The following RSPH10B2 variants were observed in gnomAD, a reference collection of about 807,000 sequenced individuals.
RSPH10B2 encodes the protein radial spoke head 10 homolog B2.
Under a neutral mutation model 49.0 loss-of-function variants are expected in RSPH10B2, and 9 were observed. The ratio of observed to expected loss-of-function variants is 0.18; its 90% confidence interval spans 0.11 to 0.32. The LOEUF is 0.32. RSPH10B2 is among the 10% of genes least tolerant of loss of function. The pLI is 1.00. For synonymous variants in RSPH10B2, 35 were observed against 210.2 expected, an observed-to-expected ratio of 0.17 and a Z score of 7.21; for missense variants, 95 against 589.9, an observed-to-expected ratio of 0.16 and a Z score of 8.69.
chr7:6,781,868 A>AAATATATATATATATAAATATATATAT (rs1168678605), intron 13 of RSPH10B2, among the ~76,000 whole-genome samples: 7 of 108,530 alleles, frequency 6.4e-5, no homozygotes, highest in African/African-American at 2.5e-4. Context: ...TTGTCTTAAA[A>AAATATATATATATATAAATATATATAT]AATATATATA....
chr7:6,783,124 G>A (rs746950420), intron 13 of RSPH10B2, among the ~76,000 whole-genome samples: 7,853 of 74,478 alleles, frequency 0.11, 68 homozygotes, highest in Non-Finnish European at 0.12. Context: ...TCCGCCTCCC[G>A]GGTTCAAGCA....
intron 6 of RSPH10B2, 28 bp downstream of exon 8, chr7:6,766,905 A>T (rs749960027): frequency 3.9e-6 from 3 of 763,898 alleles, no homozygotes; most frequent in Admixed American, 5.1e-5. Context: ...AGCAGCTTAT[A>T]CCCAGAGGCG....
chr7:6,768,153 G>A (rs1167825572), intron 6 of RSPH10B2, among the ~76,000 whole-genome samples: 10 of 136,668 alleles, frequency 7.3e-5, no homozygotes, highest in African/African-American at 2.9e-4. Flanking sequence ...CCATACTCTA[G>A]CCTGGGTAAC....
intron 17 of RSPH10B2, among the ~76,000 whole-genome samples, chr7:6,793,887 C>T (rs1306758232): frequency 2.0e-5 from 3 of 151,852 alleles, no homozygotes; most frequent in African/African-American, 7.2e-5. Flanking sequence ...CCCACTTTCC[C>T]CTCTAGATCC....
intron 17 of RSPH10B2, chr7:6,794,263 C>G (rs567278396): frequency 2.9e-3 from 441 of 152,950 alleles, no homozygotes; most frequent in Non-Finnish European, 4.4e-3. Flanking sequence ...CTGTCCTCCC[C>G]AGGCCACTGA....
At position 6,797,864 on chromosome 7, in the gene RSPH10B2, A is replaced by T. The variant is rs4724844; in HGVS notation, c.2433-499A>T. Among the ~76,000 whole-genome samples the T allele has an allele frequency of 1.8e-4, 13 of 71,344 alleles. 1 individual carries two copies. Among genetic ancestry groups the T allele is most frequent in the East Asian group, 4.9e-4 (1 of 2,022 alleles). 46.8% of individuals were successfully genotyped at this position (71,344 alleles called of 152,430 possible). A position where few individuals can be genotyped will look rare whatever the true frequency, so the allele number is the denominator to read the frequency against. The stretch of plus-strand genomic sequence containing the variant: ...TAAGACCCTATCTCAAAAAAAAAAA[A>T]ATACACACACACACACACACACACG... On this transcript the variant is annotated intron_variant, in intron 18 of 18. Coordinates refer to ENST00000297186, the Ensembl canonical transcript of RSPH10B2.
At chr7:6,791,114 G>C (rs1782301299) in intron 16 of RSPH10B2, among the ~76,000 whole-genome samples, 1 of 137,130 alleles carries the variant, frequency 7.3e-6, no homozygotes, top group African/African-American at 2.8e-5. Flanking sequence ...CCATTCTCCT[G>C]CCTCAGCCTC....
At chr7:6,769,468 G>A (rs1439973553) in intron 7 of RSPH10B2, among the ~76,000 whole-genome samples, 5 of 54,384 alleles carry the variant, frequency 9.2e-5, no homozygotes, top group Non-Finnish European at 3.6e-5. Context: ...GCGCATTGTT[G>A]CGCAACCATC....
Position 6,766,854 on chromosome 7 carries a change from G to A in RSPH10B2, c.757G>A (p.Gly253Arg), listed in dbSNP as rs748009283. The change falls in exon 6 of 19, where the codon GGG becomes AGG. Residue 253 changes from glycine (G) to arginine (R), a missense_variant. Gly to Arg is a moderately radical substitution (Grantham distance 125). Transcript: ENST00000297186. ...GCTGACCACCAACGAAGAGTACACCGGGCGGTGGGAGAGGGGCATCCAGGT... is the reference window on the plus strand; with the variant it reads ...GCTGACCACCAACGAAGAGTACACCAGGCGGTGGGAGAGGGGCATCCAGGT... 9.6e-6 allele frequency: 7 copies of A among 726,532 alleles called. No homozygotes were observed. In the African/African-American group the frequency reaches 1.4e-4, roughly 15 times the overall value. 45.0% of individuals were successfully genotyped at this position (726,532 alleles called of 1,614,324 possible).
chr7:6,754,114 G>T (rs1780987198), upstream of RSPH10B2: 1 of 136,668 alleles, frequency 7.3e-6, no homozygotes, highest in South Asian at 2.4e-4. Context: ...GGTCTGGGAC[G>T]CCGAGAGCCC....
chr7:6,756,067 G>A (rs567101549), upstream of RSPH10B2, among the ~76,000 whole-genome samples: 2 of 150,648 alleles, frequency 1.3e-5, no homozygotes, highest in Non-Finnish European at 2.9e-5. Context: ...AGGAGATCGA[G>A]ACCATCCTGG....
chr7:6,764,572 G>T (rs1265337065), intron 4 of RSPH10B2, among the ~76,000 whole-genome samples: 6 of 149,024 alleles, frequency 4.0e-5, no homozygotes, highest in Admixed American at 1.3e-4. Flanking sequence ...TGTTGGCCAG[G>T]GTGGTCTTGA....
chr7:6,792,610 G>A (rs1033877495), intron 17 of RSPH10B2, among the ~76,000 whole-genome samples: 11 of 115,782 alleles, frequency 9.5e-5, no homozygotes, highest in South Asian at 5.5e-4. Context: ...TTCCTCAGCC[G>A]TGTCCGTGTG....
At chr7:6,797,361 T>A (rs1225299235) in intron 18 of RSPH10B2, among the ~76,000 whole-genome samples, 1 of 150,694 alleles carries the variant, frequency 6.6e-6, no homozygotes, top group Non-Finnish European at 1.5e-5. Flanking sequence ...TTTGGGGTAA[T>A]GACTATGTTG....
intron 17 of RSPH10B2, chr7:6,794,091 G>A (rs1333225456): frequency 8.8e-6 from 1 of 113,326 alleles, no homozygotes; most frequent in Non-Finnish European, 2.0e-5. Flanking sequence ...TTTGCTGCTA[G>A]GCATCTTGGG....
rs1197060518 is a variant in RSPH10B2 at position 6,780,436 on chromosome 7, T to C, written c.1530-373T>C. Among the ~76,000 whole-genome samples the C allele has an allele frequency of 1.7e-5, 2 of 116,756 alleles. 1 individual carries two copies. The highest frequency in any genetic ancestry group is 3.5e-5 in the Non-Finnish European group (2 of 56,340). The allele number at this position is 116,756 out of a possible 152,430, so 76.6% of individuals were successfully genotyped here. On this transcript the variant is annotated intron_variant, in intron 11 of 18. Coordinates refer to ENST00000297186, the Ensembl canonical transcript of RSPH10B2. ...TCTCGCTCTGTCACCCAGGCTGGAG[T>C]GCAGTGGCGCGATCTCGGCTCACTG...
chr7:6,768,397 A>G (rs1225428217), intron 6 of RSPH10B2, among the ~76,000 whole-genome samples, 193 bp from the exon 9 acceptor site: 1 of 151,138 alleles, frequency 6.6e-6, no homozygotes, highest in Non-Finnish European at 1.5e-5. Context: ...TAGAGGGCTT[A>G]AGTGATCTGC....
upstream of RSPH10B2, among the ~76,000 whole-genome samples, chr7:6,756,027 T>TG (rs1339707175): frequency 2.9e-4 from 39 of 136,218 alleles, no homozygotes; most frequent in South Asian, 4.7e-4. Flanking sequence ...CCCAGCACTT[T>TG]GGAGGCCAAG....
At chr7:6,786,178 C>CTTTTTTTTTT (rs1266902018) in intron 14 of RSPH10B2, 122 bp downstream of exon 16, 1 of 114,300 alleles carries the variant, frequency 8.7e-6, no homozygotes, top group Non-Finnish European at 1.5e-5. Flanking sequence ...TTCACTGATG[C>CTTTTTTTTTT]TTTTTTTTTT....
Sources: gnomAD v4.1 joint callset for allele counts (sites outside exome capture counted in the v4.1 genomes callset) on GRCh38, gnomAD v4.1.1 for gene constraint, MANE v1.5 for transcripts, NCBI Gene and HGNC (gene_info 2026-07-23, HGNC 2026-07-21) for gene names.